DYRK1A: variants seen among roughly 807,000 people sequenced by gnomAD.
DYRK1A encodes the protein dual specificity tyrosine phosphorylation regulated kinase 1A, also known as dual specificity tyrosine-phosphorylation-regulated kinase 1A.
Under a neutral mutation model 79.7 loss-of-function variants are expected in DYRK1A, and 9 were observed. That is an observed-to-expected ratio of 0.11 (90% CI 0.07 to 0.20). The LOEUF (loss-of-function observed/expected upper bound fraction) is 0.20, where lower values mean the gene tolerates loss of function less well. DYRK1A is among the 10% of genes least tolerant of loss of function. The probability of loss-of-function intolerance (pLI) is 1.00; values close to 1 mark genes in which losing one functional copy is unlikely to be tolerated. For missense variants in DYRK1A, 622 were observed against 956.0 expected, an observed-to-expected ratio of 0.65 and a Z score of 4.61; for synonymous variants, 349 against 329.7, an observed-to-expected ratio of 1.06 and a Z score of -0.63.
At chr21:37,373,258 G>A (rs2049469729) in intron 1 of DYRK1A, among the ~76,000 whole-genome samples, 1 of 152,190 alleles carries the variant, frequency 6.6e-6, no homozygotes, top group Non-Finnish European at 1.5e-5. Context: ...ATAATGAAGT[G>A]CTGAAGTGTA....
At chr21:37,440,298 G>A (rs559005127) in intron 2 of DYRK1A, among the ~76,000 whole-genome samples, 2 of 151,386 alleles carry the variant, frequency 1.3e-5, no homozygotes, top group East Asian at 3.9e-4. Flanking sequence ...ACTACGTCTG[G>A]CTAATTTTTT....
intron 2 of DYRK1A, among the ~76,000 whole-genome samples, chr21:37,458,268 C>CTCTG (rs10635582): frequency 2.8e-4 from 37 of 130,586 alleles, no homozygotes; most frequent in African/African-American, 8.6e-4. Context: ...GGGTAATTTA[C>CTCTG]TGTGTGTGTG....
At chr21:37,494,273 T>A (rs979706902) in intron 8 of DYRK1A, among the ~76,000 whole-genome samples, 5 of 151,924 alleles carry the variant, frequency 3.3e-5, no homozygotes, top group Non-Finnish European at 7.4e-5. Flanking sequence ...TTAGTATAAA[T>A]CTTACTGTGT....
intron 2 of DYRK1A, among the ~76,000 whole-genome samples, chr21:37,433,505 T>TA (rs1431814932): frequency 6.6e-6 from 1 of 152,230 alleles, no homozygotes; most frequent in Non-Finnish European, 1.5e-5. Context: ...AAATTGGCTT[T>TA]AAAATCTTTC....
At chr21:37,449,207 T>A (rs1404877887) in intron 2 of DYRK1A, among the ~76,000 whole-genome samples, 1 of 152,224 alleles carries the variant, frequency 6.6e-6, no homozygotes, top group Non-Finnish European at 1.5e-5. Flanking sequence ...TTTAATTATT[T>A]GTTATCATTT....
At chr21:37,486,650 C>G in intron 6 of DYRK1A, 36 bp downstream of exon 6, 1 of 1,415,108 alleles carries the variant, frequency 7.1e-7, no homozygotes, top group Non-Finnish European at 9.3e-7. Context: ...TGTGCCCCAA[C>G]CCACACCAAA....
At chr21:37,403,655 A>ATG (rs2148404261) in intron 1 of DYRK1A, among the ~76,000 whole-genome samples, 1 of 125,734 alleles carries the variant, frequency 8.0e-6, no homozygotes, top group African/African-American at 3.2e-5. Context: ...AAAAATATAT[A>ATG]TATATATATG....
At chr21:37,409,919 A>T (rs1269183650) in intron 1 of DYRK1A, among the ~76,000 whole-genome samples, 1 of 152,200 alleles carries the variant, frequency 6.6e-6, no homozygotes, top group Non-Finnish European at 1.5e-5. Context: ...TGTGTTGAAC[A>T]TTTATTATTT....
At chr21:37,497,723 C>G (rs565346082) in intron 9 of DYRK1A, among the ~76,000 whole-genome samples, 108 of 152,206 alleles carry the variant, frequency 7.1e-4, no homozygotes, top group Non-Finnish European at 1.3e-3. Flanking sequence ...CCACAGTGAC[C>G]TATCATTTCT....
Position 37,416,317 on chromosome 21 carries a change from C to CTTTTTTTT in DYRK1A, c.-76-3969_-76-3962dup, listed in dbSNP as rs775621138. On this transcript the variant is annotated intron_variant, in intron 1 of 11. Transcript: ENST00000647188. ...TCTTTATAAAGTCTTGTGTTTTGGC[C>CTTTTTTTT]TTTTTTTTTTTTTTTTTTTTAAAGA... Among the ~76,000 whole-genome samples the CTTTTTTTT allele has an allele frequency of 8.8e-3, 860 of 97,954 alleles. 24 individuals are homozygous for CTTTTTTTT. The highest frequency in any genetic ancestry group is 0.014 in the Non-Finnish European group (683 of 49,094). The allele number at this position is 97,954 out of a possible 152,430, so 64.3% of individuals were successfully genotyped here. A position where few individuals can be genotyped will look rare whatever the true frequency, so the allele number is the denominator to read the frequency against.
At chr21:37,415,156 T>C (rs2050313313) in intron 1 of DYRK1A, among the ~76,000 whole-genome samples, 1 of 152,188 alleles carries the variant, frequency 6.6e-6, no homozygotes, top group Non-Finnish European at 1.5e-5. Flanking sequence ...AGATGTGCTC[T>C]CAGAGATACT....
At chr21:37,372,132 A>G (rs546832389) in intron 1 of DYRK1A, among the ~76,000 whole-genome samples, 2 of 152,108 alleles carry the variant, frequency 1.3e-5, no homozygotes, top group African/African-American at 4.8e-5. Flanking sequence ...GCATCTTGGC[A>G]CCCATGTATT....
chr21:37,440,051 ATTTCTGTT>A (rs1191831150), intron 2 of DYRK1A, among the ~76,000 whole-genome samples: 3 of 132,598 alleles, frequency 2.3e-5, no homozygotes, highest in Admixed American at 2.3e-4. Context: ...GGTTTTATTG[ATTTCTGTT>A]TTTCTGTTTT....
chr21:37,507,263 A>C (rs1459809136), intron 11 of DYRK1A, among the ~76,000 whole-genome samples: 1 of 152,040 alleles, frequency 6.6e-6, no homozygotes, highest in Non-Finnish European at 1.5e-5. Flanking sequence ...CATTGCCCTG[A>C]TCCCCTCTCT....
At chr21:37,507,632 G>A (rs1166764373) in intron 11 of DYRK1A, among the ~76,000 whole-genome samples, 1 of 152,002 alleles carries the variant, frequency 6.6e-6, no homozygotes, top group Non-Finnish European at 1.5e-5. Flanking sequence ...ACTCACTGCT[G>A]GTTTCCTTGG....
At chr21:37,436,042 A>T (rs1454349128) in intron 2 of DYRK1A, among the ~76,000 whole-genome samples, 1 of 152,182 alleles carries the variant, frequency 6.6e-6, no homozygotes, top group Non-Finnish European at 1.5e-5. Flanking sequence ...GAATAAATAC[A>T]TGTGACGTTA....
chr21:37,503,664 C>T (rs1406269687), intron 9 of DYRK1A: 1 of 152,200 alleles, frequency 6.6e-6, no homozygotes, highest in Non-Finnish European at 1.5e-5. Context: ...CTCAAGCAGT[C>T]TTCCCACCTC....
At chr21:37,427,304 A>G (rs1326913579) in intron 2 of DYRK1A, among the ~76,000 whole-genome samples, 4 of 152,116 alleles carry the variant, frequency 2.6e-5, no homozygotes, top group African/African-American at 9.7e-5. Flanking sequence ...TTCTGTAGAG[A>G]TGTGGTCTTG....
chr21:37,417,809 C>T (rs188928708), intron 1 of DYRK1A, among the ~76,000 whole-genome samples: 186 of 152,070 alleles, frequency 1.2e-3, no homozygotes, highest in African/African-American at 4.2e-3. Flanking sequence ...CTGGATTGTT[C>T]GTAGACCTTC....
Sources: allele counts gnomAD v4.1 joint callset (sites outside exome capture counted in the v4.1 genomes callset), GRCh38; gene constraint gnomAD v4.1.1; transcripts MANE v1.5; gene names NCBI Gene and HGNC (gene_info 2026-07-23, HGNC 2026-07-21).